Variants in DSCAM observed in about 807,000 individuals in gnomAD.
DSCAM encodes DS cell adhesion molecule, also known as cell adhesion molecule DSCAM.
Under a neutral mutation model 217.7 loss-of-function variants are expected in DSCAM, and 47 were observed. The observed-to-expected ratio is 0.22, with a 90% confidence interval of 0.17 to 0.28. The LOEUF (loss-of-function observed/expected upper bound fraction) is 0.28. Among genes scored for constraint, DSCAM ranks in the 10% least tolerant of loss-of-function variants. DSCAM has a pLI of 1.00. For missense variants in DSCAM, 2,080 were observed against 2,618.3 expected, an observed-to-expected ratio of 0.79 and a Z score of 4.49; for synonymous variants, 1,056 against 1,015.3, an observed-to-expected ratio of 1.04 and a Z score of -0.76.
intron 1 of DSCAM, among the ~76,000 whole-genome samples, chr21:40,767,493 G>A (rs966792411): frequency 2.0e-5 from 3 of 152,126 alleles, no homozygotes; most frequent in African/African-American, 2.4e-5. Context: ...CTTTTTTAGC[G>A]TGAGAAAGTT....
chr21:40,221,465 A>G (rs921500303), intron 11 of DSCAM, among the ~76,000 whole-genome samples: 2 of 148,680 alleles, frequency 1.3e-5, no homozygotes, highest in Non-Finnish European at 3.0e-5. Flanking sequence ...TATATATGAT[A>G]TGCATAATAT....
intron 8 of DSCAM, among the ~76,000 whole-genome samples, chr21:40,336,607 A>G (rs1486298327): frequency 1.3e-5 from 2 of 152,250 alleles, no homozygotes; most frequent in East Asian, 1.9e-4. Context: ...TGATAGACCA[A>G]TGAATTTTAA....
chr21:40,389,813 A>C (rs551550357), intron 3 of DSCAM, among the ~76,000 whole-genome samples: 30 of 152,334 alleles, frequency 2.0e-4, no homozygotes, highest in African/African-American at 6.0e-4. Context: ...TCATGCATCA[A>C]GGAAGAGAAA....
chr21:40,710,957 G>A (rs760270067), intron 1 of DSCAM, among the ~76,000 whole-genome samples: 27 of 150,654 alleles, frequency 1.8e-4, no homozygotes, highest in Middle Eastern at 6.8e-3. Context: ...CAACAGCTCC[G>A]CTAGGTAAAC....
chr21:40,597,372 GT>G (rs2077028825), intron 3 of DSCAM, among the ~76,000 whole-genome samples: 1 of 149,780 alleles, frequency 6.7e-6, no homozygotes, highest in Non-Finnish European at 1.5e-5. Flanking sequence ...TCCTTTGTTG[GT>G]TTAATGACAG....
Position 40,141,339 on chromosome 21 carries a change from G to A in DSCAM, c.3406+1219C>T, listed in dbSNP as rs929573687. On this transcript the variant is annotated intron_variant, in intron 18 of 32. Transcript: ENST00000400454. ...GGGGTTGAAAGAAGCCCCAGGCTGG[G>A]CGTGGTGGGTCACGCCTGTAATCCC... is the stretch of plus-strand genomic sequence containing the variant. Among the ~76,000 whole-genome samples, 13 of 152,338 alleles carry A rather than the reference G, an allele frequency of 8.5e-5. No individual in the cohort carries two copies. In the South Asian group the frequency reaches 2.7e-3, roughly 32 times the overall value.
At chr21:40,652,269 T>G (rs112362785) in intron 3 of DSCAM, among the ~76,000 whole-genome samples, 31,971 of 151,498 alleles carry the variant, frequency 0.21, 3,777 homozygotes, top group East Asian at 0.25. Flanking sequence ...TGTTTACCTA[T>G]GTAACAAACC....
In DSCAM at chr21:40,494,361, C is replaced by A. The variant is rs138385918; in HGVS notation, c.509-125116G>T. Among the ~76,000 whole-genome samples, 288 of 152,214 alleles carry A rather than the reference C, an allele frequency of 1.9e-3. 2 individuals carry two copies. The highest frequency in any genetic ancestry group is 6.2e-3 in the African/African-American group (259 of 41,526). On this transcript the variant is annotated intron_variant, in intron 3 of 32. Coordinates refer to ENST00000400454, the MANE Select transcript of DSCAM (RefSeq NM_001389.5). ...TAGACTGAAAGGCCATAAGTCTTAA[C>A]AAATCTAGGGAGATTGAAATCACAT...
chr21:40,075,007 G>A (rs768804179), intron 27 of DSCAM, 30 bp downstream of exon 27: 41 of 1,611,444 alleles, frequency 2.5e-5, no homozygotes, highest in Non-Finnish European at 3.0e-5. Flanking sequence ...CAGGGGACAC[G>A]CGTAGGTGGA....
At chr21:40,793,106 A>G (rs551094568) in intron 1 of DSCAM, among the ~76,000 whole-genome samples, 1 of 152,332 alleles carries the variant, frequency 6.6e-6, no homozygotes, top group Admixed American at 6.5e-5. Flanking sequence ...ACTAAAACAT[A>G]AGGTGATAGA....
At chr21:40,751,884 T>G (rs1412582745) in intron 1 of DSCAM, among the ~76,000 whole-genome samples, 1 of 152,202 alleles carries the variant, frequency 6.6e-6, no homozygotes, top group Non-Finnish European at 1.5e-5. Flanking sequence ...ATCACCTCCT[T>G]GTAATCCAAT....
chr21:40,330,646 T>C (rs1373939290), intron 8 of DSCAM, among the ~76,000 whole-genome samples: 1 of 152,006 alleles, frequency 6.6e-6, no homozygotes, highest in Non-Finnish European at 1.5e-5. Context: ...AATTTTGATA[T>C]CCTACCTCTC....
chr21:40,711,631 T>G (rs2090781256), intron 1 of DSCAM, among the ~76,000 whole-genome samples: 1 of 152,122 alleles, frequency 6.6e-6, no homozygotes, highest in African/African-American at 2.4e-5. Flanking sequence ...GCTGGAAAGA[T>G]CCTATGTTGA....
At chr21:40,839,673 C>G (rs558676929) in intron 1 of DSCAM, among the ~76,000 whole-genome samples, 1 of 151,992 alleles carries the variant, frequency 6.6e-6, no homozygotes, top group African/African-American at 2.4e-5. Flanking sequence ...AAATGCTGTA[C>G]AGAGCTGGGA....
chr21:40,805,680 C>T (rs534126424), intron 1 of DSCAM, among the ~76,000 whole-genome samples: 2 of 151,306 alleles, frequency 1.3e-5, no homozygotes, highest in South Asian at 4.2e-4. Context: ...AGTAAATGGT[C>T]CCTTTATTAA....
chr21:40,405,672 T>C (rs902581882), intron 3 of DSCAM, among the ~76,000 whole-genome samples: 3 of 152,026 alleles, frequency 2.0e-5, no homozygotes, highest in African/African-American at 4.8e-5. Flanking sequence ...AATTAAAAAA[T>C]GGGGACTGGA....
At chr21:40,589,378 C>G (rs954242204) in intron 3 of DSCAM, among the ~76,000 whole-genome samples, 3 of 152,140 alleles carry the variant, frequency 2.0e-5, no homozygotes, top group African/African-American at 7.2e-5. Flanking sequence ...GAATTTGAGA[C>G]CAGCCTGGCC....
rs559968565 is a variant in DSCAM, at chr21:40,401,169, AAGTAAC to A, written c.509-31930_509-31925del. On this transcript the variant is annotated intron_variant, in intron 3 of 32. Coordinates refer to ENST00000400454, the MANE Select transcript of DSCAM (RefSeq NM_001389.5). The stretch of plus-strand genomic sequence containing the variant: ...TTCTGTCCCTTGTTCCGCTAAGTAA[AAGTAAC>A]AGTAACAGGAAAAGTAACTTTTTTA... Among the ~76,000 whole-genome samples the A allele has an allele frequency of 2.8e-3, 433 of 152,344 alleles. 2 individuals carry two copies. Among genetic ancestry groups the A allele is most frequent in the Middle Eastern group, 0.01 (3 of 294 alleles).
chr21:40,578,869 C>T (rs1237532940), intron 3 of DSCAM, among the ~76,000 whole-genome samples: 2 of 152,134 alleles, frequency 1.3e-5, no homozygotes, highest in Admixed American at 6.5e-5. Flanking sequence ...CCATAGAGTA[C>T]AGTGCAGCAG....
Sources: allele counts gnomAD v4.1 joint callset (sites outside exome capture counted in the v4.1 genomes callset), GRCh38; gene constraint gnomAD v4.1.1; transcripts MANE v1.5; gene names NCBI Gene and HGNC (gene_info 2026-07-23, HGNC 2026-07-21).